UNC13A: variants seen among roughly 807,000 people sequenced by gnomAD.
UNC13A encodes protein unc-13 homolog A.
Under a neutral mutation model 219.7 loss-of-function variants are expected in UNC13A, and 61 were observed. The observed-to-expected ratio is 0.28, with a 90% CI of 0.23 to 0.34. The LOEUF is 0.34. UNC13A is among the 10% of genes least tolerant of loss of function. UNC13A has a pLI of 1.00. For synonymous variants in UNC13A, 920 were observed against 884.6 expected, an observed-to-expected ratio of 1.04 and a Z score of -0.71; for missense variants, 1,476 against 2,270.3, an observed-to-expected ratio of 0.65 and a Z score of 7.11.
chr19:17,681,548 A>G (rs1237090761), intron 1 of UNC13A, among the ~76,000 whole-genome samples: 1 of 152,218 alleles, frequency 6.6e-6, no homozygotes, highest in Non-Finnish European at 1.5e-5. Context: ...CTGAGCCTTC[A>G]GTGTAAAAAA....
chr19:17,658,144 G>A lies in UNC13A; in HGVS notation c.685C>T (p.Arg229Cys), dbSNP rs748050065. Residue 229 changes from arginine (R) to cysteine (C), a missense_variant, in exon 9 of 44, where the codon CGC (arginine) becomes TGC (cysteine). Transcript: ENST00000519716. ...TCCCGGGAGCCCAGGGGTGGTGGGCGAACAGAATATTGGTGGACTGAGGCG... is the reference window on the plus strand; with the variant it reads ...TCCCGGGAGCCCAGGGGTGGTGGGCAAACAGAATATTGGTGGACTGAGGCG... ...PNASVHQYSV[R>C]PPPLGSRESY... The A allele has an allele frequency of 8.7e-6, 14 of 1,613,776 alleles. No individual in the cohort carries two copies. Among genetic ancestry groups the A allele is most frequent in the Middle Eastern group, 1.6e-4 (1 of 6,084 alleles).
Position 17,646,050 on chromosome 19 carries a change from G to A in UNC13A, c.2106C>T (p.Thr702=). 6.2e-7 allele frequency: 1 copy of A among 1,613,898 alleles called. No individual in the cohort carries two copies. Residue 702 remains threonine (T), a synonymous_variant, in exon 18 of 44, where the codon ACC becomes ACT. Transcript: ENST00000519716. ...DKTGSSDPYV[T]VQVGKTKKRT... ...GTTTCTTGGTCTTCCCGACCTGGAC[G>A]GTGACATAGGGGTCACTGGATCCTG...
chr19:17,605,542 T>G lies in UNC13A; in HGVS notation c.*512A>C. 1 of 153,616 alleles carries G rather than the reference T, an allele frequency of 6.5e-6. No homozygotes were observed. 9.5% of individuals were successfully genotyped at this position (153,616 alleles called of 1,614,324 possible). ...GTATTCCGGGGCCCTCCAACCAGCA[T>G]CCTGGTCCCTCCAGTCCCCAGGCCA... is the stretch of plus-strand genomic sequence containing the variant. On this transcript the variant is annotated 3_prime_UTR_variant, in exon 44 of 44. Coordinates refer to ENST00000519716, the MANE Select transcript of UNC13A (RefSeq NM_001080421.3).
At position 17,610,039 on chromosome 19, in the gene UNC13A, A is replaced by T. The variant is rs2076585281; in HGVS notation, c.4712T>A (p.Val1571Asp). Residue 1571 changes from valine (V) to aspartate (D), a missense_variant, in exon 43 of 44, where the codon GTC becomes GAC. Physicochemically the swap from Val to Asp is radical, Grantham distance 152. This residue lies in a region of UNC13A where 5 missense variants were observed against 28.8 expected (regional missense o/e 0.17). Transcript: ENST00000519716. ...TSGIFRPFIE[V>D]NIIGPQLSDK... Reference sequence around the variant, plus strand: ...GCTGAGCTGGGGCCCAATGATGTTGACCTCGATGAACGGCCGGAAGATGCC... The same window carrying T: ...GCTGAGCTGGGGCCCAATGATGTTGTCCTCGATGAACGGCCGGAAGATGCC... The T allele has an allele frequency of 6.2e-7, 1 of 1,613,834 alleles. No homozygotes were observed. The highest frequency in any genetic ancestry group is 8.5e-7 in the Non-Finnish European group (1 of 1,179,886).
intron 1 of UNC13A, among the ~76,000 whole-genome samples, chr19:17,686,012 A>C (rs1234788335): frequency 3.1e-4 from 34 of 110,542 alleles, no homozygotes; most frequent in East Asian, 6.5e-4. Context: ...CCCTCTCCCC[A>C]CCCCTCCCTG....
At position 17,606,166 on chromosome 19, in the gene UNC13A, G is replaced by A. The variant is rs1167038020; in HGVS notation, c.5000C>T (p.Thr1667Met). ...RRIHMDDTGL[T>M]VLRILSQRSN... ...GCGCTGCGAGAGGATTCGCAGCACC[G>A]TGAGGCCCGTGTCGTCCATGTGGAT... The change falls in exon 44 of 44, where the codon ACG becomes ATG. Residue 1667 changes from threonine (T) to methionine (M), a missense_variant. Physicochemically the swap from Thr to Met is moderately conservative, Grantham distance 81. Around this residue, in one of 14 missense-constraint regions of UNC13A, gnomAD observed 187 missense variants for 172.3 expected, o/e 1.09. Coordinates refer to ENST00000519716, the MANE Select transcript of UNC13A (RefSeq NM_001080421.3). The A allele has an allele frequency of 6.4e-7, 1 of 1,574,788 alleles. No individual in the cohort carries two copies.
intron 27 of UNC13A, 21 bp downstream of exon 27, chr19:17,633,087 A>G: frequency 6.2e-7 from 1 of 1,613,806 alleles, no homozygotes; most frequent in Non-Finnish European, 8.5e-7. Context: ...AGGCTGGGGA[A>G]CACTGGGGTG....
intron 8 of UNC13A, 73 bp from the exon 9 acceptor site, chr19:17,658,342 C>A: frequency 6.9e-7 from 1 of 1,459,336 alleles, no homozygotes; most frequent in Admixed American, 2.0e-5. Context: ...ATACAATTTC[C>A]CAGACTTACG....
chr19:17,628,343 A>C, intron 31 of UNC13A: 4 of 207,520 alleles, frequency 1.9e-5, no homozygotes, highest in East Asian at 1.3e-4. Flanking sequence ...TACACACGAG[A>C]CCCCCCCCAC....
chr19:17,684,781 G>A (rs2080078390), intron 1 of UNC13A, among the ~76,000 whole-genome samples: 3 of 152,234 alleles, frequency 2.0e-5, no homozygotes, highest in Admixed American at 2.0e-4. Flanking sequence ...GTGCATGTGT[G>A]CAGAGTATGT....
rs1005042462 is a variant in UNC13A, at chr19:17,639,995, C to T, written c.2788-87G>A. 20 of 1,272,920 alleles carry T rather than the reference C, an allele frequency of 1.6e-5. No homozygotes were observed. In the African/African-American group the frequency reaches 2.9e-4, roughly 19 times the overall value. The allele number at this position is 1,272,920 out of a possible 1,614,324, so 78.9% of individuals were successfully genotyped here. A position where few individuals can be genotyped will look rare whatever the true frequency, so the allele number is the denominator to read the frequency against. On this transcript the variant is annotated intron_variant, in intron 22 of 43. Coordinates refer to ENST00000519716, the MANE Select transcript of UNC13A (RefSeq NM_001080421.3). Reference sequence around the variant, plus strand: ...AGCGCCTACTGTACAGTAAGTATACCTCATCCACCACCCTCATAATGTCCA... The same window carrying T: ...AGCGCCTACTGTACAGTAAGTATACTTCATCCACCACCCTCATAATGTCCA...
intron 23 of UNC13A, 29 bp from the exon 24 acceptor site, chr19:17,639,554 T>A (rs2076945498): frequency 6.2e-7 from 1 of 1,606,602 alleles, no homozygotes; most frequent in Non-Finnish European, 8.5e-7. Flanking sequence ...GATGTGGGGT[T>A]ATGGAAGAAG....
rs1173595584 is a variant in UNC13A, at chr19:17,606,337, G to A, written c.4829C>T (p.Ala1610Val). The A allele has an allele frequency of 4.5e-6, 7 of 1,546,130 alleles. No individual in the cohort carries two copies. Among genetic ancestry groups the A allele is most frequent in the Non-Finnish European group, 6.1e-6 (7 of 1,147,308 alleles). ...ESFQFTLSAD[A>V]GPECYELQVC... ...CTGCAGCTCATAGCACTCGGGACCCGCGTCGGCGCTCAGCGTGCTGCGTGG... is the reference window on the plus strand; with the variant it reads ...CTGCAGCTCATAGCACTCGGGACCCACGTCGGCGCTCAGCGTGCTGCGTGG... The change falls in exon 44 of 44, where the codon GCG (alanine) becomes GTG (valine). Residue 1610 changes from alanine (A) to valine (V), a missense_variant. Transcript: ENST00000519716.
At position 17,641,478 on chromosome 19, in the gene UNC13A, T is replaced by G; in HGVS notation, c.2551A>C (p.Lys851Gln). The G allele has an allele frequency of 1.2e-6, 2 of 1,614,098 alleles. No individual in the cohort carries two copies. The highest frequency in any genetic ancestry group is 1.7e-6 in the Non-Finnish European group (2 of 1,180,006). ...TGGGCTGTCTCATCGTAGTAAACCT[T>G]CCAGGCATCGTCACCCTTGGCATCT... ...IPDAKGDDAWKVYYDETAQEI... is the reference protein window; with the variant it reads ...IPDAKGDDAWQVYYDETAQEI... Residue 851 changes from lysine (K) to glutamine (Q), a missense_variant, in exon 21 of 44, where the codon AAG (lysine) becomes CAG (glutamine). Around this residue, in one of 14 missense-constraint regions of UNC13A, gnomAD observed 140 missense variants for 270.9 expected, o/e 0.52. Transcript: ENST00000519716.
In UNC13A at chr19:17,656,368, G is replaced by A. The variant is rs369314668; in HGVS notation, c.798C>T (p.Ser266=). The A allele has an allele frequency of 3.5e-5, 55 of 1,551,804 alleles. No homozygotes were observed. The highest frequency in any genetic ancestry group is 1.9e-4 in the African/African-American group (14 of 73,612). ...GAGAGCTTCCCTGGCTCAGCTCCCC[G>A]GAAGAGGCATAGCGGCTGCTACCCG... ...SPTGSSRYAS[S]GELSQGSSQL... is the part of the protein sequence containing the mutation. The change falls in exon 10 of 44, where the codon TCC becomes TCT. Residue 266 remains serine, a synonymous_variant. Transcript: ENST00000519716.
chr19:17,675,302 C>G (rs2079875761), intron 2 of UNC13A, among the ~76,000 whole-genome samples: 1 of 151,722 alleles, frequency 6.6e-6, no homozygotes, highest in South Asian at 2.1e-4. Flanking sequence ...CCACGGCACT[C>G]CAGCCTCAAA....
chr19:17,664,397 C>A (rs1297631817), intron 7 of UNC13A, among the ~76,000 whole-genome samples: 1 of 152,206 alleles, frequency 6.6e-6, no homozygotes, highest in Non-Finnish European at 1.5e-5. Context: ...AGGGCGAGAA[C>A]CACCTTTGCC....
intron 28 of UNC13A, among the ~76,000 whole-genome samples, chr19:17,631,174 C>CTTT (rs1568513121): frequency 0.017 from 281 of 16,870 alleles, 15 homozygotes; most frequent in African/African-American, 0.048. Flanking sequence ...TCCCTCCCTC[C>CTTT]CTCCTTTCCT....
At chr19:17,621,623 G>A (rs1292655958) in intron 37 of UNC13A, among the ~76,000 whole-genome samples, 1 of 152,056 alleles carries the variant, frequency 6.6e-6, no homozygotes, top group Admixed American at 6.5e-5. Flanking sequence ...ACACACATTA[G>A]TTCACATGTG....
Sources: allele counts gnomAD v4.1 joint callset (sites outside exome capture counted in the v4.1 genomes callset), GRCh38; gene constraint gnomAD v4.1.1; regional missense constraint gnomAD v4.1.1; transcripts MANE v1.5; gene names NCBI Gene and HGNC (gene_info 2026-07-23, HGNC 2026-07-21).